Variants in NUP37 observed in about 807,000 individuals in gnomAD.
NUP37 encodes nucleoporin 37.
NUP37 carries 33 observed loss-of-function variants against 45.4 expected under a neutral mutation model. The ratio of observed to expected loss-of-function variants is 0.73; its 90% CI spans 0.55 to 0.97. The LOEUF (loss-of-function observed/expected upper bound fraction) is 0.97. NUP37 is among the 50% of genes least tolerant of loss of function. The pLI, the probability that NUP37 is intolerant of heterozygous loss-of-function variation, is 0.00. For synonymous variants in NUP37, 127 were observed against 130.7 expected (o/e 0.97, Z 0.19); for missense variants, 365 against 389.7 (o/e 0.94, Z 0.53).
intron 4 of NUP37, among the ~76,000 whole-genome samples, chr12:102,100,217 A>G (rs906590838): frequency 2.6e-5 from 4 of 152,194 alleles, no homozygotes; most frequent in African/African-American, 9.6e-5. Context: ...ACCAATCCAT[A>G]CAGTACATTA....
intron 5 of NUP37, among the ~76,000 whole-genome samples, chr12:102,088,636 A>G (rs1441633042): frequency 6.8e-6 from 1 of 148,108 alleles, no homozygotes; most frequent in African/African-American, 2.5e-5. Context: ...TTTACTCATC[A>G]TTAGGTTTTG....
At chr12:102,104,800 G>T (rs530408246) in intron 3 of NUP37, among the ~76,000 whole-genome samples, 2 of 152,180 alleles carry the variant, frequency 1.3e-5, no homozygotes, top group East Asian at 3.9e-4. Flanking sequence ...TGTTCCATTG[G>T]TCTACATATT....
At chr12:102,116,742 C>T (rs1330110816) in intron 2 of NUP37, among the ~76,000 whole-genome samples, 7 of 152,106 alleles carry the variant, frequency 4.6e-5, no homozygotes, top group African/African-American at 1.7e-4. Context: ...TGGTGGCTCA[C>T]GCCTGTAATC....
intron 5 of NUP37, among the ~76,000 whole-genome samples, chr12:102,086,330 T>C (rs1185203551): frequency 2.0e-5 from 3 of 152,208 alleles, no homozygotes; most frequent in African/African-American, 7.2e-5. Context: ...TGAAGTTATG[T>C]AAATTTAGCA....
intron 2 of NUP37, among the ~76,000 whole-genome samples, chr12:102,115,312 A>T (rs1880433391): frequency 6.6e-6 from 1 of 152,198 alleles, no homozygotes; most frequent in Non-Finnish European, 1.5e-5. Flanking sequence ...GACCTTATGA[A>T]GCACGTGAAA....
rs1023738949 is a variant in NUP37, at chr12:102,101,079, T to G, written c.307A>C (p.Lys103Gln). The G allele has an allele frequency of 1.5e-5, 23 of 1,566,894 alleles. 1 individual carries two copies. Among genetic ancestry groups the G allele is most frequent in the Admixed American group, 3.7e-5 (2 of 54,398 alleles). ...AGATCTGAAGTAAATAATCTAATTT[T>G]CATATCAGCAGCTGAAGTACAAAAT... ...IKFCTSAADM[K>Q]IRLFTSDLQD... is the part of the protein sequence containing the mutation. Residue 103 changes from lysine to glutamine, a missense_variant, in exon 4 of 10, where the codon AAA (lysine) becomes CAA (glutamine). Coordinates refer to ENST00000552283, the MANE Select transcript of NUP37 (RefSeq NM_024057.4).
chr12:102,089,477 T>A (rs1594389001), intron 5 of NUP37, among the ~76,000 whole-genome samples: 1 of 137,486 alleles, frequency 7.3e-6, no homozygotes, highest in African/African-American at 2.8e-5. Flanking sequence ...GAGGCGCTCC[T>A]CACTTCCCAG....
intron 5 of NUP37, among the ~76,000 whole-genome samples, chr12:102,097,142 A>G (rs1879828426): frequency 6.6e-6 from 1 of 152,158 alleles, no homozygotes; most frequent in Non-Finnish European, 1.5e-5. Context: ...GGTCAAGTCA[A>G]GCCAGGCAAA....
chr12:102,080,208 T>C (rs894428147), intron 6 of NUP37, among the ~76,000 whole-genome samples: 6 of 152,204 alleles, frequency 3.9e-5, no homozygotes, highest in African/African-American at 7.2e-5. Context: ...TTTCAGAATA[T>C]AGACAATGTT....
At chr12:102,113,145 C>G (rs908409300) in intron 2 of NUP37, among the ~76,000 whole-genome samples, 2 of 152,174 alleles carry the variant, frequency 1.3e-5, no homozygotes, top group Non-Finnish European at 2.9e-5. Flanking sequence ...GACAAGCAAA[C>G]GACTACCAAG....
intron 5 of NUP37, among the ~76,000 whole-genome samples, chr12:102,095,205 C>A (rs1248658180): frequency 6.6e-6 from 1 of 151,962 alleles, no homozygotes; most frequent in Non-Finnish European, 1.5e-5. Context: ...TAAGCTTAAC[C>A]CACTAAATAC....
At chr12:102,101,254 G>A (rs2136741484) in intron 3 of NUP37, 150 bp from the exon 4 acceptor site, 1 of 505,098 alleles carries the variant, frequency 2.0e-6, no homozygotes, top group Non-Finnish European at 3.6e-6. Flanking sequence ...GAATGTTGTG[G>A]CTCTACTGTA....
chr12:102,111,362 T>C (rs2136753585), intron 3 of NUP37, among the ~76,000 whole-genome samples: 1 of 152,278 alleles, frequency 6.6e-6, no homozygotes, highest in South Asian at 2.1e-4. Context: ...AGGGTGTGGG[T>C]TGTACAAATA....
intron 5 of NUP37, among the ~76,000 whole-genome samples, chr12:102,095,991 C>A (rs1204946104): frequency 1.3e-5 from 2 of 152,184 alleles, no homozygotes; most frequent in African/African-American, 4.8e-5. Flanking sequence ...TCCAGTCTTA[C>A]TCATTGTAAA....
chr12:102,077,228 T>C (rs560379455), intron 7 of NUP37, 94 bp downstream of exon 7: 9 of 1,277,986 alleles, frequency 7.0e-6, no homozygotes, highest in African/African-American at 4.4e-5. Context: ...CTTGACAGCA[T>C]AGTCTCAGGT....
At position 102,101,042 on chromosome 12, in the gene NUP37, T is replaced by C; in HGVS notation, c.344A>G (p.Asn115Ser). ...TGGTTGTCAACATACCTTATATTCATTTTTATCCTGAAGATCTGAAGTAAA... is the reference window on the plus strand; with the variant it reads ...TGGTTGTCAACATACCTTATATTCACTTTTATCCTGAAGATCTGAAGTAAA... Reference protein sequence around the residue: ...RLFTSDLQDKNEYKVLEGHTD... With the variant: ...RLFTSDLQDKSEYKVLEGHTD... Residue 115 changes from asparagine to serine, a missense_variant, in exon 4 of 10, where the codon AAT becomes AGT. Coordinates refer to ENST00000552283, the MANE Select transcript of NUP37 (RefSeq NM_024057.4). The C allele has an allele frequency of 1.3e-6, 2 of 1,527,124 alleles. No homozygotes were observed. The highest frequency in any genetic ancestry group is 1.9e-5 in the Admixed American group (1 of 52,966). 94.6% of individuals were successfully genotyped at this position (1,527,124 alleles called of 1,614,324 possible).
chr12:102,074,046 C>T lies in NUP37; in HGVS notation c.*308G>A, dbSNP rs1879100262. On this transcript the variant is annotated 3_prime_UTR_variant, in exon 10 of 10. Coordinates refer to ENST00000552283, the MANE Select transcript of NUP37 (RefSeq NM_024057.4). ...CTCAAAGTATAGAAAACAGGATACA[C>T]TTCAAATACTCCTTTTTTGATAAAC... 1 of 165,196 alleles carries T rather than the reference C, an allele frequency of 6.1e-6. No individual in the cohort carries two copies. The highest frequency in any genetic ancestry group is 6.3e-5 in the Admixed American group (1 of 15,788). 10.2% of individuals were successfully genotyped at this position (165,196 alleles called of 1,614,324 possible).
rs536599054 is a variant in NUP37, at chr12:102,104,999, G to A, written c.282-3895C>T. ...AAGTGCCACAGAGATTGATAAAGAC[G>A]TCATTGAATTTGTAGAGCTTTGGGT... On this transcript the variant is annotated intron_variant, in intron 3 of 9. Transcript: ENST00000552283. 4.6e-5 allele frequency among the ~76,000 whole-genome samples: 7 copies of A among 152,250 alleles called. No individual in the cohort carries two copies. In the East Asian group the frequency reaches 7.7e-4, roughly 17 times the overall value.
rs761141591 is a variant in NUP37 at position 102,077,421 on chromosome 12, T to G, written c.623A>C (p.Gln208Pro). The G allele has an allele frequency of 6.2e-7, 1 of 1,614,176 alleles. No individual in the cohort carries two copies. Among genetic ancestry groups the G allele is most frequent in the South Asian group, 1.1e-5 (1 of 91,082 alleles). ...CCAGTGTGCTGACATTAATGGCACTTGTTCTGATTCAAGAGATAAAATAGC... is the reference window on the plus strand; with the variant it reads ...CCAGTGTGCTGACATTAATGGCACTGGTTCTGATTCAAGAGATAAAATAGC... The part of the protein sequence containing the change: ...QQAILSLESE[Q>P]VPLMSAHWCL... The change falls in exon 7 of 10, where the codon CAA (glutamine) becomes CCA (proline). Residue 208 changes from glutamine (Q) to proline (P), a missense_variant. Gln to Pro is a moderately conservative substitution (Grantham distance 76). Coordinates refer to ENST00000552283, the MANE Select transcript of NUP37 (RefSeq NM_024057.4).
Sources: allele counts gnomAD v4.1 joint callset (sites outside exome capture counted in the v4.1 genomes callset), GRCh38; gene constraint gnomAD v4.1.1; transcripts MANE v1.5; gene names NCBI Gene and HGNC (gene_info 2026-07-23, HGNC 2026-07-21).